The following TRAPPC9 variants were observed in gnomAD, a reference collection of about 807,000 sequenced individuals.
The protein encoded by TRAPPC9 is trafficking protein particle complex subunit 9, also known as IKK2 binding protein.
In TRAPPC9, 83 loss-of-function variants were observed where a neutral mutation model predicts 124.0. The observed-to-expected ratio is 0.67, with a 90% CI of 0.56 to 0.80. The LOEUF (loss-of-function observed/expected upper bound fraction) is 0.80, where lower values mean the gene tolerates loss of function less well. TRAPPC9 is among the 30% of genes least tolerant of loss of function. The pLI, the probability that TRAPPC9 is intolerant of heterozygous loss-of-function variation, is 0.00. For missense variants in TRAPPC9, 1,302 were observed against 1,508.3 expected, an observed-to-expected ratio of 0.86 and a Z score of 2.27; for synonymous variants, 638 against 617.5, an observed-to-expected ratio of 1.03 and a Z score of -0.49.
At chr8:139,941,410 C>T (rs943036981) in intron 19 of TRAPPC9, among the ~76,000 whole-genome samples, 2 of 152,176 alleles carry the variant, frequency 1.3e-5, no homozygotes, top group Non-Finnish European at 2.9e-5. Context: ...CAGGGTGGGG[C>T]CCTCTTACTG....
In TRAPPC9 at chr8:140,162,215, C is replaced by T. The variant is rs980035885; in HGVS notation, c.2556+59244G>A. On this transcript the variant is annotated intron_variant, in intron 17 of 22. Transcript: ENST00000438773. ...AAGAATGAGTGATTCAGGGGACAGCCACAGCCTGCCACCCTGCTTCTTCCC... is the reference window on the plus strand; with the variant it reads ...AAGAATGAGTGATTCAGGGGACAGCTACAGCCTGCCACCCTGCTTCTTCCC... Among the ~76,000 whole-genome samples, 4 of 152,260 alleles carry T rather than the reference C, an allele frequency of 2.6e-5. No homozygotes were observed. In the East Asian group the frequency reaches 7.7e-4, roughly 29 times the overall value.
chr8:139,932,741 G>A, intron 19 of TRAPPC9: 2 of 355,948 alleles, frequency 5.6e-6, no homozygotes, highest in South Asian at 2.1e-5. Context: ...TGCAGCCTGG[G>A]CAACAGAATG....
At chr8:140,392,102 T>C (rs981373739) in intron 7 of TRAPPC9, among the ~76,000 whole-genome samples, 2 of 151,920 alleles carry the variant, frequency 1.3e-5, no homozygotes, top group Non-Finnish European at 2.9e-5. Flanking sequence ...ATGTGGTACA[T>C]AGAGCTTGGA....
At chr8:139,968,905 C>G (rs753844786) in intron 19 of TRAPPC9, among the ~76,000 whole-genome samples, 4 of 152,216 alleles carry the variant, frequency 2.6e-5, no homozygotes, top group Non-Finnish European at 5.9e-5. Context: ...AGCCCAGAAG[C>G]TTATGGCCCG....
chr8:140,136,657 G>A (rs1297563817), intron 17 of TRAPPC9, among the ~76,000 whole-genome samples: 2 of 152,200 alleles, frequency 1.3e-5, no homozygotes, highest in Non-Finnish European at 2.9e-5. Flanking sequence ...GGCCAATACG[G>A]TGAAACCTTA....
chr8:139,924,293 T>G (rs1390480535), intron 19 of TRAPPC9, among the ~76,000 whole-genome samples: 1 of 152,224 alleles, frequency 6.6e-6, no homozygotes, highest in Non-Finnish European at 1.5e-5. Context: ...GCACAGAGCA[T>G]GCACCTGATG....
chr8:140,092,796 T>TTTGTA (rs1844660729), intron 17 of TRAPPC9, among the ~76,000 whole-genome samples: 1 of 152,208 alleles, frequency 6.6e-6, no homozygotes, highest in Non-Finnish European at 1.5e-5. Flanking sequence ...TTTCCATATT[T>TTTGTA]TTGTATTTGT....
intron 7 of TRAPPC9, among the ~76,000 whole-genome samples, chr8:140,394,273 C>T (rs1563995504): frequency 6.6e-6 from 1 of 152,122 alleles, no homozygotes; most frequent in Non-Finnish European, 1.5e-5. Context: ...TTCAGGCTTT[C>T]GGAGGGTCCG....
intron 17 of TRAPPC9, among the ~76,000 whole-genome samples, chr8:140,070,018 T>A (rs999752531): frequency 2.0e-5 from 3 of 152,196 alleles, no homozygotes; most frequent in Non-Finnish European, 2.9e-5. Flanking sequence ...GGCTAATGGA[T>A]GGTGCCACCC....
intron 16 of TRAPPC9, among the ~76,000 whole-genome samples, chr8:140,244,800 C>CTTT (rs1162364645): frequency 7.4e-4 from 67 of 90,178 alleles, no homozygotes; most frequent in Non-Finnish European, 9.3e-4. Flanking sequence ...TTTCCAATTC[C>CTTT]TTTTTTTTTT....
chr8:139,753,317 CACCATCCACCCATCCACCCATCT>C (rs943449317), intron 21 of TRAPPC9, among the ~76,000 whole-genome samples: 2 of 149,996 alleles, frequency 1.3e-5, no homozygotes, highest in Non-Finnish European at 3.0e-5. Context: ...TCCATCCATC[CACCATCCACCCATCCACCCATCT>C]ACCATCCATC....
At chr8:140,300,296 C>G (rs982704858) in intron 11 of TRAPPC9, among the ~76,000 whole-genome samples, 173 bp downstream of exon 11, 1 of 142,846 alleles carries the variant, frequency 7.0e-6, no homozygotes, top group African/African-American at 3.0e-5. Context: ...CATACATATG[C>G]ATGCATGCAC....
chr8:140,144,776 C>A (rs925712115), intron 17 of TRAPPC9, among the ~76,000 whole-genome samples: 2 of 150,402 alleles, frequency 1.3e-5, no homozygotes, highest in South Asian at 4.2e-4. Context: ...TGTGAGCCAC[C>A]GCACCCAGCT....
intron 19 of TRAPPC9, among the ~76,000 whole-genome samples, chr8:139,986,546 T>C (rs1837248789): frequency 6.6e-6 from 1 of 152,232 alleles, no homozygotes; most frequent in Non-Finnish European, 1.5e-5. Context: ...ACTGTTAACA[T>C]TATACTATAT....
At chr8:139,896,345 C>T (rs1201392612) in intron 20 of TRAPPC9, among the ~76,000 whole-genome samples, 6 of 152,136 alleles carry the variant, frequency 3.9e-5, no homozygotes, top group East Asian at 1.9e-4. Context: ...AATAGTAGTT[C>T]CTATCATTAT....
rs1322700309 is a variant in TRAPPC9 at position 140,334,480 on chromosome 8, T to C, written c.1496-23106A>G. Among the ~76,000 whole-genome samples, 3 of 152,120 alleles carry C rather than the reference T, an allele frequency of 2.0e-5. No individual in the cohort carries two copies. The South Asian group carries it at 6.2e-4, about 32-fold the overall frequency. On this transcript the variant is annotated intron_variant, in intron 9 of 22. Coordinates refer to ENST00000438773, the MANE Select transcript of TRAPPC9 (RefSeq NM_001160372.4). ...GCCTAGCCAACGTGGTGAAACCCCA[T>C]CTCTACTAAAAATACAAAAATTAGC...
intron 20 of TRAPPC9, among the ~76,000 whole-genome samples, chr8:139,891,672 C>A (rs1351595443): frequency 6.6e-6 from 1 of 152,178 alleles, no homozygotes; most frequent in East Asian, 1.9e-4. Flanking sequence ...TCATCAAACT[C>A]GGGGCTTGAC....
intron 17 of TRAPPC9, among the ~76,000 whole-genome samples, chr8:140,137,937 T>C (rs934462829): frequency 1.3e-5 from 2 of 152,270 alleles, no homozygotes; most frequent in African/African-American, 2.4e-5. Flanking sequence ...TCATGTGTTA[T>C]TAGCAAATCT....
At chr8:140,375,881 G>A (rs151204062) in intron 7 of TRAPPC9, among the ~76,000 whole-genome samples, 35 of 152,262 alleles carry the variant, frequency 2.3e-4, no homozygotes, top group East Asian at 3.9e-4. Flanking sequence ...AATGATGACC[G>A]TGGGAGAATG....
Sources: gnomAD v4.1 joint callset for allele counts (sites outside exome capture counted in the v4.1 genomes callset) on GRCh38, gnomAD v4.1.1 for gene constraint, MANE v1.5 for transcripts, NCBI Gene and HGNC (gene_info 2026-07-23, HGNC 2026-07-21) for gene names.